The following STX1A variants were observed in gnomAD, a reference collection of about 807,000 sequenced individuals.
The protein encoded by STX1A is syntaxin-1A.
In STX1A, 4 loss-of-function variants were observed where a neutral mutation model predicts 37.8. The ratio of observed to expected loss-of-function variants is 0.11; its 90% CI spans 0.05 to 0.24. The LOEUF (loss-of-function observed/expected upper bound fraction) is 0.24, where lower values mean the gene tolerates loss of function less well. STX1A is among the 10% of genes least tolerant of loss of function. The pLI is 1.00. For synonymous variants in STX1A, 135 were observed against 147.4 expected (o/e 0.92, Z 0.61); for missense variants, 251 against 399.9 (o/e 0.63, Z 3.18).
At chr7:73,703,656 G>T in intron 7 of STX1A, 99 bp downstream of exon 7, 1 of 1,366,684 alleles carries the variant, frequency 7.3e-7, no homozygotes, top group East Asian at 2.3e-5. Context: ...CCTTACAAGG[G>T]GTCTGTGTCC....
intron 1 of STX1A, among the ~76,000 whole-genome samples, chr7:73,715,901 C>T (rs571554897): frequency 6.6e-6 from 1 of 152,354 alleles, no homozygotes; most frequent in South Asian, 2.1e-4. Flanking sequence ...TCTGAGCCTC[C>T]TCACCCTGTC....
At chr7:73,712,217 G>A (rs1295242688) in intron 1 of STX1A, among the ~76,000 whole-genome samples, 1 of 152,058 alleles carries the variant, frequency 6.6e-6, no homozygotes, top group Non-Finnish European at 1.5e-5. Flanking sequence ...GGGGATGGGC[G>A]AAGTGGGCCT....
chr7:73,707,653 G>A (rs898428875), intron 3 of STX1A, among the ~76,000 whole-genome samples: 2 of 152,216 alleles, frequency 1.3e-5, no homozygotes, highest in Admixed American at 1.3e-4. Flanking sequence ...CCTTCTTGGG[G>A]CTGGGCGTGG....
Position 73,700,914 on chromosome 7 carries a change from C to A in STX1A, c.679-74G>T. The stretch of plus-strand genomic sequence containing the variant: ...TGGGTTGGGGCTCGGGGCAGGACTT[C>A]AGGAAAGCACCCTGAGGCTAGAGAC... On this transcript the variant is annotated intron_variant, in intron 8 of 9. Transcript: ENST00000222812. The surrounding 1 kb of genome is among the most constrained non-coding windows in gnomAD (Gnocchi z 4.4). The A allele has an allele frequency of 6.3e-7, 1 of 1,593,280 alleles. No homozygotes were observed. The highest frequency in any genetic ancestry group is 8.5e-7 in the Non-Finnish European group (1 of 1,174,066).
In STX1A at chr7:73,719,604, T is replaced by A. The variant is rs1799423972; in HGVS notation, c.28A>T (p.Thr10Ser). Reference sequence around the variant, plus strand: ...CCGCGCGCTGGGGCCGGACTCACCGTGCGGAGCTCCTGGGTTCGGTCCTTC... The same window carrying A: ...CCGCGCGCTGGGGCCGGACTCACCGAGCGGAGCTCCTGGGTTCGGTCCTTC... MKDRTQELR[T>S]AKDSDDDDDV... Residue 10 changes from threonine (T) to serine (S), a missense_variant and splice_region_variant, in exon 1 of 10, where the codon ACG (threonine) becomes TCG (serine). By Grantham distance (58) the Thr-to-Ser change is moderately conservative. This residue lies in a region of STX1A where 37 missense variants were observed against 32.3 expected (regional missense o/e 1.15). Coordinates refer to ENST00000222812, the MANE Select transcript of STX1A (RefSeq NM_004603.4). 1 of 1,206,410 alleles carries A rather than the reference T, an allele frequency of 8.3e-7. No individual in the cohort carries two copies. Among genetic ancestry groups the A allele is most frequent in the Admixed American group, 4.5e-5 (1 of 22,456 alleles). 74.7% of individuals were successfully genotyped at this position (1,206,410 alleles called of 1,614,324 possible). A position where few individuals can be genotyped will look rare whatever the true frequency, so the allele number is the denominator to read the frequency against.
chr7:73,708,746 C>T, intron 2 of STX1A, 58 bp from the exon 3 acceptor site: 2 of 1,559,824 alleles, frequency 1.3e-6, no homozygotes, highest in South Asian at 1.1e-5. Context: ...CCTTCTGGGG[C>T]CCAGAGATGG....
At chr7:73,703,719 G>C in intron 7 of STX1A, 36 bp downstream of exon 7, 1 of 1,603,398 alleles carries the variant, frequency 6.2e-7, no homozygotes, top group Non-Finnish European at 8.5e-7. Context: ...AACATGGTGA[G>C]GGGGTCATGG....
At position 73,700,799 on chromosome 7, in the gene STX1A, C is replaced by G. The variant is rs146306889; in HGVS notation, c.720G>C (p.Ala240=). The G allele has an allele frequency of 1.2e-6, 2 of 1,613,830 alleles. No homozygotes were observed. Among genetic ancestry groups the G allele is most frequent in the Admixed American group, 3.3e-5 (2 of 60,016 alleles). ...ACACGGCCCTCTCCACATAGTCTAC[C>G]GCGTGTTCCACATTGTACTCGATCC... is the stretch of plus-strand genomic sequence containing the variant. ...IDRIEYNVEH[A]VDYVERAVSD... Residue 240 remains alanine (A), a synonymous_variant, in exon 9 of 10, where the codon GCG becomes GCC. Transcript: ENST00000222812. This position sits in a 1 kb window ranked among gnomAD's most constrained non-coding sequence, Gnocchi z 4.4.
In STX1A at chr7:73,700,118, G is replaced by A. The variant is rs1798590736; in HGVS notation, c.*289C>T. 5 of 506,342 alleles carry A rather than the reference G, an allele frequency of 9.9e-6. No homozygotes were observed. Among genetic ancestry groups the A allele is most frequent in the Non-Finnish European group, 1.4e-5 (4 of 279,516 alleles). 31.4% of individuals were successfully genotyped at this position (506,342 alleles called of 1,614,324 possible). ...TACTGAAGGCAAGGAAGGGTGGCCT[G>A]TGTCACCCTGGCGGCCCTGCCTGGG... On this transcript the variant is annotated 3_prime_UTR_variant, in exon 10 of 10. Transcript: ENST00000222812. This position sits in a 1 kb window ranked among gnomAD's most constrained non-coding sequence, Gnocchi z 4.4.
chr7:73,713,676 G>A (rs1295157912), intron 1 of STX1A, among the ~76,000 whole-genome samples: 1 of 152,276 alleles, frequency 6.6e-6, no homozygotes, highest in Non-Finnish European at 1.5e-5. Context: ...GCTGCAGTGA[G>A]CTATGATCGT....
rs1255458008 is a variant in STX1A at position 73,709,837 on chromosome 7, G to A, written c.31-715C>T. 6.6e-6 allele frequency among the ~76,000 whole-genome samples: 1 copy of A among 152,148 alleles called. No homozygotes were observed. The highest frequency in any genetic ancestry group is 1.5e-5 in the Non-Finnish European group (1 of 68,012). Reference sequence around the variant, plus strand: ...CACCACTAAACCCCAGTCCCGAGGTGGCACGGATCAGATCTCTTAGGAATC... The same window carrying A: ...CACCACTAAACCCCAGTCCCGAGGTAGCACGGATCAGATCTCTTAGGAATC... On this transcript the variant is annotated intron_variant, in intron 1 of 9. Transcript: ENST00000222812. The surrounding 1 kb of genome is among the most constrained non-coding windows in gnomAD (Gnocchi z 4.2).
intron 1 of STX1A, 51 bp downstream of exon 1, chr7:73,719,551 G>A: frequency 3.3e-6 from 4 of 1,203,084 alleles, no homozygotes; most frequent in Non-Finnish European, 4.1e-6. Context: ...TGTCCGGCGC[G>A]TTGGCGCTGG....
chr7:73,704,295 C>A (rs782304133), intron 5 of STX1A, 39 bp from the exon 6 acceptor site: 2 of 1,613,560 alleles, frequency 1.2e-6, no homozygotes, highest in Non-Finnish European at 1.7e-6. Context: ...TCAGGCCCTG[C>A]GGGGACCGAC....
Position 73,708,611 on chromosome 7 carries a change from C to G in STX1A, c.186G>C (p.Leu62=). 6.2e-7 allele frequency: 1 copy of G among 1,614,132 alleles called. No individual in the cohort carries two copies. Among genetic ancestry groups the G allele is most frequent in the Non-Finnish European group, 8.5e-7 (1 of 1,179,998 alleles). ...CACTCTCATCGGGGTTGGGGGATGC[C>G]AGGATGGCACTGTGCTTCCGCTTCA... ...EEVKRKHSAI[L]ASPNPDEKTK... is the part of the protein sequence containing the mutation. The change falls in exon 3 of 10, where the codon CTG becomes CTC. Residue 62 remains leucine (L), a synonymous_variant. Transcript: ENST00000222812.
chr7:73,705,007 T>A lies in STX1A; in HGVS notation c.283+143A>T. The A allele has an allele frequency of 1.2e-6, 1 of 814,962 alleles. No individual in the cohort carries two copies. Among genetic ancestry groups the A allele is most frequent in the Non-Finnish European group, 2.1e-6 (1 of 479,494 alleles). The allele number at this position is 814,962 out of a possible 1,614,324, so 50.5% of individuals were successfully genotyped here. On this transcript the variant is annotated intron_variant, in intron 4 of 9. Transcript: ENST00000222812. This position sits in a 1 kb window ranked among gnomAD's most constrained non-coding sequence, Gnocchi z 5.2. ...CCAACGGGCCTTGCCAAGTAGCTGC[T>A]GAGTGAATGGGCACATGACGCCACC...
chr7:73,705,071 G>C lies in STX1A; in HGVS notation c.283+79C>G, dbSNP rs1253876583. 7.1e-7 allele frequency: 1 copy of C among 1,398,968 alleles called. No individual in the cohort carries two copies. The highest frequency in any genetic ancestry group is 1.4e-5 in the African/African-American group (1 of 70,602). The allele number at this position is 1,398,968 out of a possible 1,614,324, so 86.7% of individuals were successfully genotyped here. ...GCAAGATCCGGCGCACCCCCTCAGG[G>C]CGAGCAAAACCCCATGGGCTCCGCA... On this transcript the variant is annotated intron_variant, in intron 4 of 9. Coordinates refer to ENST00000222812, the MANE Select transcript of STX1A (RefSeq NM_004603.4). This position sits in a 1 kb window ranked among gnomAD's most constrained non-coding sequence, Gnocchi z 5.2.
intron 1 of STX1A, among the ~76,000 whole-genome samples, chr7:73,716,256 C>T (rs1468496793): frequency 6.6e-6 from 1 of 152,254 alleles, no homozygotes; most frequent in Non-Finnish European, 1.5e-5. Context: ...GTGCCTGCCA[C>T]TCTGCAAAGT....
intron 3 of STX1A, among the ~76,000 whole-genome samples, chr7:73,707,582 C>T (rs191814453): frequency 6.6e-6 from 1 of 152,210 alleles, no homozygotes; most frequent in African/African-American, 2.4e-5. Context: ...CTCCCAGAAG[C>T]CCAGGGCTGC....
intron 7 of STX1A, chr7:73,703,277 G>A (rs1307965025): frequency 9.1e-6 from 5 of 551,622 alleles, no homozygotes; most frequent in South Asian, 3.8e-5. Context: ...TTGCAGAGCC[G>A]AAGTTGACTG....
Sources: gnomAD v4.1 joint callset for allele counts (sites outside exome capture counted in the v4.1 genomes callset) on GRCh38, gnomAD v4.1.1 for gene constraint, gnomAD v4.1.1 regional missense constraint, Gnocchi (gnomAD v3.1) non-coding constraint, MANE v1.5 for transcripts, NCBI Gene and HGNC (gene_info 2026-07-23, HGNC 2026-07-21) for gene names.